Variants in OR2B11 observed in about 807,000 individuals in gnomAD.
OR2B11 encodes olfactory receptor family 2 subfamily B member 11.
For missense variants in OR2B11, 422 were observed against 400.0 expected (o/e 1.05, Z -0.47); for synonymous variants, 198 against 174.5 (o/e 1.13, Z -1.06).
Position 247,451,886 on chromosome 1 carries a change from CAA to C in OR2B11, c.95_96del (p.Phe32CysfsTer152). On this transcript the variant is annotated frameshift_variant, in exon 2 of 2. Coordinates refer to ENST00000641149, the MANE Select transcript of OR2B11 (RefSeq NM_001004492.2). LOFTEE classifies it low-confidence loss of function (END_TRUNC). ...SDRPWLELPL[F>X]VVLLLSYVLA... ...AGCACATAGGACAGCAGGAGGACCA[CAA>C]AGAGAGGGAGTTCCAGCCACGGCCT... 6.2e-7 allele frequency: 1 copy of C among 1,614,092 alleles called. No individual in the cohort carries two copies. Among genetic ancestry groups the C allele is most frequent in the Non-Finnish European group, 8.5e-7 (1 of 1,180,012 alleles).
chr1:247,457,714 C>T lies in OR2B11; in HGVS notation c.-3158G>A, dbSNP rs565256293. The T allele has an allele frequency of 6.6e-6, 1 of 152,176 alleles. No individual in the cohort carries two copies. Among genetic ancestry groups the T allele is most frequent in the Non-Finnish European group, 1.5e-5 (1 of 68,038 alleles). 9.4% of individuals were successfully genotyped at this position (152,176 alleles called of 1,614,324 possible). ...TATTGCAGTCTGTGTTGGCCTTAGT[C>T]GCGGAGGGACATTTAAGGATGGACT... On this transcript the variant is annotated 5_prime_UTR_variant, in exon 1 of 2. Transcript: ENST00000641149.
intron 1 of OR2B11, among the ~76,000 whole-genome samples, chr1:247,456,126 G>A: frequency 6.6e-6 from 1 of 152,132 alleles, no homozygotes. Flanking sequence ...CTGGAAAACT[G>A]AGAGGTTCAG....
intron 1 of OR2B11, among the ~76,000 whole-genome samples, 200 bp downstream of exon 1, chr1:247,457,439 G>A (rs567623175): frequency 1.3e-5 from 2 of 151,992 alleles, no homozygotes; most frequent in East Asian, 1.9e-4. Flanking sequence ...TTCTGCTCCC[G>A]GCTCTCTTTT....
chr1:247,453,946 T>A lies in OR2B11; in HGVS notation c.-1964A>T, dbSNP rs2103267350. The A allele has an allele frequency of 6.6e-6, 1 of 152,204 alleles. No homozygotes were observed. Among genetic ancestry groups the A allele is most frequent in the South Asian group, 2.1e-4 (1 of 4,812 alleles). 9.4% of individuals were successfully genotyped at this position (152,204 alleles called of 1,614,324 possible). The stretch of plus-strand genomic sequence containing the variant: ...CCAAACTCCTGCTCTTCACTACTAT[T>A]CTCTCCAGAACTTTGCTTTAAAAAA... On this transcript the variant is annotated 5_prime_UTR_variant, in exon 2 of 2. Coordinates refer to ENST00000641149, the MANE Select transcript of OR2B11 (RefSeq NM_001004492.2).
Position 247,451,107 on chromosome 1 carries a change from G to C in OR2B11, c.876C>G (p.Phe292Leu). ...YSIITPTLNPFTYTLRNKDMK... is the reference protein window; with the variant it reads ...YSIITPTLNPLTYTLRNKDMK... ...TATCTTTATTTCTCAGGGTGTAGGT[G>C]AAGGGATTGAGAGTGGGGGTGATTA... is the stretch of plus-strand genomic sequence containing the variant. Residue 292 changes from phenylalanine (F) to leucine (L), a missense_variant, in exon 2 of 2, where the codon TTC becomes TTG. Phe to Leu is a conservative substitution (Grantham distance 22, BLOSUM62 0). Coordinates refer to ENST00000641149, the MANE Select transcript of OR2B11 (RefSeq NM_001004492.2). The C allele has an allele frequency of 4.0e-6, 6 of 1,514,100 alleles. No individual in the cohort carries two copies. The highest frequency in any genetic ancestry group is 5.3e-6 in the Non-Finnish European group (6 of 1,130,988). 93.8% of individuals were successfully genotyped at this position (1,514,100 alleles called of 1,614,324 possible).
Position 247,450,772 on chromosome 1 carries a change from G to T in OR2B11, c.*257C>A. The T allele has an allele frequency of 3.1e-6, 1 of 317,620 alleles. No homozygotes were observed. The highest frequency in any genetic ancestry group is 2.1e-5 in the African/African-American group (1 of 47,000). The allele number at this position is 317,620 out of a possible 1,614,324, so 19.7% of individuals were successfully genotyped here. On this transcript the variant is annotated 3_prime_UTR_variant, in exon 2 of 2. Coordinates refer to ENST00000641149, the MANE Select transcript of OR2B11 (RefSeq NM_001004492.2). ...AAAAGAGAAAAGAATCAGGAAATTGGAAGTGAAATAATTCCACACATACTT... is the reference window on the plus strand; with the variant it reads ...AAAAGAGAAAAGAATCAGGAAATTGTAAGTGAAATAATTCCACACATACTT...
In OR2B11 at chr1:247,450,005, T is replaced by C. The variant is rs1458290549; in HGVS notation, c.*1024A>G. 6.6e-6 allele frequency: 1 copy of C among 152,260 alleles called. No individual in the cohort carries two copies. The highest frequency in any genetic ancestry group is 2.4e-5 in the African/African-American group (1 of 41,472). 9.4% of individuals were successfully genotyped at this position (152,260 alleles called of 1,614,324 possible). A position where few individuals can be genotyped will look rare whatever the true frequency, so the allele number is the denominator to read the frequency against. On this transcript the variant is annotated 3_prime_UTR_variant, in exon 2 of 2. Coordinates refer to ENST00000641149, the MANE Select transcript of OR2B11 (RefSeq NM_001004492.2). ...CTCACATTTTCTTTTTCTTTTTTTTTTGAGATGGAGTCTTGCTCTGTCGCC... is the reference window on the plus strand; with the variant it reads ...CTCACATTTTCTTTTTCTTTTTTTTCTGAGATGGAGTCTTGCTCTGTCGCC...
At chr1:247,449,133 A>T (rs4925547), downstream of OR2B11, 55,333 of 152,250 alleles carry the variant, frequency 0.36, 10,817 homozygotes, top group East Asian at 0.54. Flanking sequence ...TTTTCAAATT[A>T]TTTCTCTAAA....
chr1:247,456,610 C>CT (rs147417409), intron 1 of OR2B11, among the ~76,000 whole-genome samples: 159 of 143,526 alleles, frequency 1.1e-3, no homozygotes, highest in Admixed American at 2.4e-3. Context: ...ACTTTTTTTT[C>CT]TTTTTTTTTT....
Position 247,451,834 on chromosome 1 carries a change from A to T in OR2B11, c.149T>A (p.Ile50Asn), listed in dbSNP as rs567974052. 2 of 1,614,158 alleles carry T rather than the reference A, an allele frequency of 1.2e-6. No individual in the cohort carries two copies. Among genetic ancestry groups the T allele is most frequent in the African/African-American group, 2.7e-5 (2 of 75,052 alleles). Residue 50 changes from isoleucine (I) to asparagine (N), a missense_variant, in exon 2 of 2, where the codon ATC (isoleucine) becomes AAC (asparagine). Physicochemically the swap from Ile to Asn is moderately radical, Grantham distance 149 (BLOSUM62 -3). Transcript: ENST00000641149. The stretch of plus-strand genomic sequence containing the variant: ...TTGAGGATCCACCCGGGATGCCAGG[A>T]TGATGGCGACGTTCCCCAACATGGC... ...VLAMLGNVAIILASRVDPQLH... is the reference protein window; with the variant it reads ...VLAMLGNVAINLASRVDPQLH...
chr1:247,451,483 G>T lies in OR2B11; in HGVS notation c.500C>A (p.Thr167Lys). Residue 167 changes from threonine to lysine, a missense_variant, in exon 2 of 2, where the codon ACG becomes AAG. Transcript: ENST00000641149. ...FGNSFVQVVL[T>K]VQLPFCGRQV... ...CCGCCCGCAGAATGGCAATTGCACC[G>T]TCAGGACCACCTGCACGAAGGAGTT... The T allele has an allele frequency of 6.2e-7, 1 of 1,614,174 alleles. No homozygotes were observed. The highest frequency in any genetic ancestry group is 8.5e-7 in the Non-Finnish European group (1 of 1,180,034).
chr1:247,449,170 G>C (rs1324665931), downstream of OR2B11: 1 of 152,096 alleles, frequency 6.6e-6, no homozygotes, highest in Non-Finnish European at 1.5e-5. Flanking sequence ...AAATTGTTTG[G>C]TGCATTTTAA....
chr1:247,456,087 G>A (rs1357849139), intron 1 of OR2B11, among the ~76,000 whole-genome samples: 3 of 152,182 alleles, frequency 2.0e-5, no homozygotes, highest in East Asian at 3.8e-4. Context: ...CACCGCATAT[G>A]AGCCTTCCCA....
Position 247,451,937 on chromosome 1 carries a change from AG to A in OR2B11, c.45del (p.Phe16SerfsTer151). 6.2e-7 allele frequency: 1 copy of A among 1,601,722 alleles called. No homozygotes were observed. The highest frequency in any genetic ancestry group is 8.5e-7 in the Non-Finnish European group (1 of 1,174,762). The part of the protein sequence containing the change: ...NHSFLGDSPK[A>X]FILLGVSDRP... ...CTGTCAGACACACCCAGAAGGATGA[AG>A]GCTTTAGGGGAGTCCCCTAAGAAGC... On this transcript the variant is annotated frameshift_variant, in exon 2 of 2. Coordinates refer to ENST00000641149, the MANE Select transcript of OR2B11 (RefSeq NM_001004492.2). LOFTEE classifies it low-confidence loss of function (END_TRUNC).
intron 1 of OR2B11, 43 bp downstream of exon 1, chr1:247,457,596 G>C (rs988315518): frequency 2.6e-5 from 4 of 152,258 alleles, no homozygotes; most frequent in African/African-American, 9.7e-5. Flanking sequence ...CCACTGCACT[G>C]TACAGATTTC....
chr1:247,451,388 T>C lies in OR2B11; in HGVS notation c.595A>G (p.Asn199Asp). ...ACCAGCACAGCCAGTATGGTGTCAT[T>C]CACAGCGGTGTCAGCACACGACAGC... ...IKLSCADTAV[N>D]DTILAVLVAF... is the part of the protein sequence containing the mutation. The change falls in exon 2 of 2, where the codon AAT becomes GAT. Residue 199 changes from asparagine (N) to aspartate (D), a missense_variant. Asn to Asp is a conservative substitution (Grantham distance 23). Coordinates refer to ENST00000641149, the MANE Select transcript of OR2B11 (RefSeq NM_001004492.2). The C allele has an allele frequency of 7.4e-6, 12 of 1,614,078 alleles. No individual in the cohort carries two copies. Among genetic ancestry groups the C allele is most frequent in the Non-Finnish European group, 1.0e-5 (12 of 1,180,014 alleles).
At chr1:247,455,187 C>T (rs991645972) in intron 1 of OR2B11, 123 bp from the exon 2 acceptor site, 1 of 152,216 alleles carries the variant, frequency 6.6e-6, no homozygotes, top group Non-Finnish European at 1.5e-5. Flanking sequence ...TTGTTACCTA[C>T]TCCATCACAC....
rs1281399017 is a variant in OR2B11, at chr1:247,450,851, G to C, written c.*178C>G. ...AATATATGGCCTCTTAGAATTATAC[G>C]TTTAAAATGAACTTTGTCGCTATGG... On this transcript the variant is annotated 3_prime_UTR_variant, in exon 2 of 2. Coordinates refer to ENST00000641149, the MANE Select transcript of OR2B11 (RefSeq NM_001004492.2). 1.1e-5 allele frequency: 5 copies of C among 444,434 alleles called. No homozygotes were observed. In the East Asian group the frequency reaches 1.6e-4, roughly 14 times the overall value. The allele number at this position is 444,434 out of a possible 1,614,324, so 27.5% of individuals were successfully genotyped here. A position where few individuals can be genotyped will look rare whatever the true frequency, so the allele number is the denominator to read the frequency against.
intron 1 of OR2B11, among the ~76,000 whole-genome samples, chr1:247,457,231 C>T (rs561210749): frequency 6.6e-6 from 1 of 152,184 alleles, no homozygotes; most frequent in African/African-American, 2.4e-5. Context: ...GGGACTGATA[C>T]GATTCAGCTC....
Sources: allele counts gnomAD v4.1 joint callset (sites outside exome capture counted in the v4.1 genomes callset), GRCh38; gene constraint gnomAD v4.1.1; transcripts MANE v1.5; gene names NCBI Gene and HGNC (gene_info 2026-07-23, HGNC 2026-07-21).